The following PCDHGA9 variants were observed in gnomAD, a reference collection of about 807,000 sequenced individuals.
The protein encoded by PCDHGA9 is protocadherin gamma-A9.
A neutral mutation model predicts 62.5 loss-of-function variants in PCDHGA9; 37 were observed. The observed-to-expected ratio is 0.59, with a 90% CI of 0.46 to 0.78. The LOEUF (loss-of-function observed/expected upper bound fraction) is 0.78, where lower values mean the gene tolerates loss of function less well. PCDHGA9 is among the 30% of genes least tolerant of loss of function. The pLI is 0.00. For synonymous variants in PCDHGA9, 459 were observed against 484.6 expected, an observed-to-expected ratio of 0.95 and a Z score of 0.69; for missense variants, 1,138 against 1,166.2, an observed-to-expected ratio of 0.98 and a Z score of 0.35.
intron 1 of PCDHGA9, among the ~76,000 whole-genome samples, chr5:141,446,758 C>A (rs776925316): frequency 6.6e-6 from 1 of 152,326 alleles, no homozygotes; most frequent in Non-Finnish European, 1.5e-5. Flanking sequence ...TGAGCCACCG[C>A]GCCCAGCCGG....
At chr5:141,466,280 C>T (rs1181499549) in intron 1 of PCDHGA9, among the ~76,000 whole-genome samples, 1 of 152,142 alleles carries the variant, frequency 6.6e-6, no homozygotes, top group Admixed American at 6.6e-5. Flanking sequence ...AAGCAATCTT[C>T]CCACCTCAGG....
Position 141,487,367 on chromosome 5 carries a change from G to A in PCDHGA9, c.2425-7440G>A. 1 of 1,614,204 alleles carries A rather than the reference G, an allele frequency of 6.2e-7. No individual in the cohort carries two copies. The highest frequency in any genetic ancestry group is 8.5e-7 in the Non-Finnish European group (1 of 1,180,030). ...CACATGCTTTCCTGCTGGCACCTGT[G>A]CCTGTCTCACCAGATCTCGAAGGAG... On this transcript the variant is annotated intron_variant, in intron 1 of 3. Coordinates refer to ENST00000573521, the MANE Select transcript of PCDHGA9 (RefSeq NM_018921.3). This position sits in a 1 kb window ranked among gnomAD's most constrained non-coding sequence, Gnocchi z 5.0.
chr5:141,427,751 C>T (rs778043340), intron 1 of PCDHGA9: 1 of 1,306,072 alleles, frequency 7.7e-7, no homozygotes, highest in South Asian at 1.2e-5. Flanking sequence ...CCTACTCCAT[C>T]GTTACCACTG....
At chr5:141,495,452 C>T (rs543717781) in intron 2 of PCDHGA9, among the ~76,000 whole-genome samples, 1 of 152,356 alleles carries the variant, frequency 6.6e-6, no homozygotes, top group Non-Finnish European at 1.5e-5. Context: ...TTGTCCTGCT[C>T]TCTGTCTGTG....
intron 1 of PCDHGA9, among the ~76,000 whole-genome samples, chr5:141,464,404 T>G (rs1224596546): frequency 6.6e-6 from 1 of 151,532 alleles, no homozygotes; most frequent in African/African-American, 2.4e-5. Flanking sequence ...GAACCTGAGA[T>G]ATATATATAT....
At position 141,487,235 on chromosome 5, in the gene PCDHGA9, C is replaced by A. The variant is rs752316565; in HGVS notation, c.2425-7572C>A. ...TTCAGCTCCAAGGGAAGGAGAATCT[C>A]GTCTAACCCTCTACTTGGCTGTGTC... On this transcript the variant is annotated intron_variant, in intron 1 of 3. Coordinates refer to ENST00000573521, the MANE Select transcript of PCDHGA9 (RefSeq NM_018921.3). This position sits in a 1 kb window ranked among gnomAD's most constrained non-coding sequence, Gnocchi z 5.0. 11 of 1,614,126 alleles carry A rather than the reference C, an allele frequency of 6.8e-6. No homozygotes were observed. The highest frequency in any genetic ancestry group is 7.6e-6 in the Non-Finnish European group (9 of 1,179,994).
At chr5:141,458,264 G>A (rs1489144612) in intron 1 of PCDHGA9, among the ~76,000 whole-genome samples, 3 of 152,092 alleles carry the variant, frequency 2.0e-5, no homozygotes, top group Non-Finnish European at 2.9e-5. Flanking sequence ...GATGAGTGGA[G>A]GAACAACAGG....
At chr5:141,427,992 T>C in intron 1 of PCDHGA9, 1 of 1,599,002 alleles carries the variant, frequency 6.3e-7, no homozygotes, top group Non-Finnish European at 8.6e-7. Context: ...GCCCGATGGC[T>C]CCGCACTCTT....
At chr5:141,468,802 C>G (rs928501013) in intron 1 of PCDHGA9, among the ~76,000 whole-genome samples, 1 of 151,620 alleles carries the variant, frequency 6.6e-6, no homozygotes, top group African/African-American at 2.4e-5. Context: ...GGAGGCGGAA[C>G]TTGCAGTGAG....
chr5:141,496,533 G>A (rs2099769399), intron 2 of PCDHGA9, among the ~76,000 whole-genome samples: 2 of 152,176 alleles, frequency 1.3e-5, no homozygotes, highest in Admixed American at 1.3e-4. Context: ...GTGTATGGCA[G>A]AGATTCCAGC....
chr5:141,405,612 C>T, intron 1 of PCDHGA9: 1 of 557,514 alleles, frequency 1.8e-6, no homozygotes, highest in Non-Finnish European at 3.2e-6. Flanking sequence ...ATAACTGGGA[C>T]TACAGGCACG....
chr5:141,465,643 C>T (rs561758040), intron 1 of PCDHGA9, among the ~76,000 whole-genome samples: 2 of 152,306 alleles, frequency 1.3e-5, no homozygotes, highest in East Asian at 3.9e-4. Flanking sequence ...ATGCTTTGAA[C>T]ATCCCAAAAA....
chr5:141,440,667 T>C (rs1330266877), intron 1 of PCDHGA9: 1 of 152,218 alleles, frequency 6.6e-6, no homozygotes, highest in East Asian at 1.9e-4. Context: ...GCAGCAACTC[T>C]ATATTTCTCT....
chr5:141,407,478 A>G (rs1230151085), intron 1 of PCDHGA9, among the ~76,000 whole-genome samples: 1 of 144,006 alleles, frequency 6.9e-6, no homozygotes, highest in Non-Finnish European at 1.6e-5. Flanking sequence ...TGAATGGAGT[A>G]TGGAAAATCT....
At chr5:141,481,560 G>A (rs1594155886) in intron 1 of PCDHGA9, among the ~76,000 whole-genome samples, 1 of 152,212 alleles carries the variant, frequency 6.6e-6, no homozygotes, top group Non-Finnish European at 1.5e-5. Flanking sequence ...GCTCACGCCT[G>A]TAATCCCAGT....
intron 1 of PCDHGA9, chr5:141,410,291 G>A: frequency 1.2e-6 from 2 of 1,613,948 alleles, no homozygotes; most frequent in Non-Finnish European, 1.7e-6. Flanking sequence ...GGTGGCCTTG[G>A]CCTTAATCTC....
chr5:141,453,032 G>A (rs2098754281), intron 1 of PCDHGA9, among the ~76,000 whole-genome samples: 1 of 152,132 alleles, frequency 6.6e-6, no homozygotes, highest in Admixed American at 6.5e-5. Flanking sequence ...TTAAAATAAA[G>A]TTTGTTTCTA....
At chr5:141,427,982 G>A in intron 1 of PCDHGA9, 1 of 1,596,754 alleles carries the variant, frequency 6.3e-7, no homozygotes, top group Non-Finnish European at 8.6e-7. Flanking sequence ...CCGCGCTGGG[G>A]CCCGATGGCT....
At chr5:141,415,458 C>G (rs2095871921) in intron 1 of PCDHGA9, 7 of 1,614,204 alleles carry the variant, frequency 4.3e-6, no homozygotes, top group Non-Finnish European at 5.1e-6. Context: ...CCCACGAGGT[C>G]TCTCTCACCG....
Sources: gnomAD v4.1 joint callset for allele counts (sites outside exome capture counted in the v4.1 genomes callset) on GRCh38, gnomAD v4.1.1 for gene constraint, Gnocchi (gnomAD v3.1) non-coding constraint, MANE v1.5 for transcripts, NCBI Gene and HGNC (gene_info 2026-07-23, HGNC 2026-07-21) for gene names.